Variants in ADAMTS17 observed in about 807,000 individuals in gnomAD.
ADAMTS17 encodes A disintegrin and metalloproteinase with thrombospondin motifs 17.
ADAMTS17 carries 113 observed loss-of-function variants against 141.5 expected under a neutral mutation model. That is an observed-to-expected ratio of 0.80 (90% confidence interval 0.69 to 0.93). The LOEUF is 0.93. Ranked by LOEUF, ADAMTS17 falls within the 40% of genes least tolerant of loss-of-function variation. ADAMTS17 has a pLI of 0.00. For missense variants in ADAMTS17, 1,659 were observed against 1,517.9 expected (o/e 1.09, Z -1.54); for synonymous variants, 768 against 630.6 (o/e 1.22, Z -3.27).
intron 14 of ADAMTS17, among the ~76,000 whole-genome samples, 175 bp downstream of exon 14, chr15:100,108,814 C>G (rs1488760275): frequency 6.6e-6 from 1 of 152,186 alleles, no homozygotes; most frequent in African/African-American, 2.4e-5. Flanking sequence ...CATTACTGAG[C>G]TAGGGTTGGT....
At chr15:100,106,644 C>T (rs186378861) in intron 14 of ADAMTS17, among the ~76,000 whole-genome samples, 295 of 152,292 alleles carry the variant, frequency 1.9e-3, no homozygotes, top group South Asian at 7.3e-3. Context: ...TTGGCAAGAA[C>T]GCTGCAGAAG....
At chr15:100,147,476 G>C (rs2038963227) in intron 10 of ADAMTS17, among the ~76,000 whole-genome samples, 2 of 152,162 alleles carry the variant, frequency 1.3e-5, no homozygotes, top group African/African-American at 2.4e-5. Flanking sequence ...GTATAGCGTG[G>C]TACTGTACTA....
At chr15:100,189,316 C>T (rs775171122) in intron 8 of ADAMTS17, among the ~76,000 whole-genome samples, 8 of 152,288 alleles carry the variant, frequency 5.3e-5, no homozygotes, top group South Asian at 2.1e-4. Context: ...GTATATGGAG[C>T]GGGGCTTTGC....
At chr15:100,172,833 A>G (rs1414997382) in intron 8 of ADAMTS17, among the ~76,000 whole-genome samples, 5 of 152,180 alleles carry the variant, frequency 3.3e-5, no homozygotes, top group Non-Finnish European at 7.3e-5. Flanking sequence ...GCAGACAGTA[A>G]ATTTGCCTTG....
intron 18 of ADAMTS17, among the ~76,000 whole-genome samples, chr15:100,036,726 C>A (rs73472454): frequency 0.03 from 4,604 of 152,136 alleles, 245 homozygotes; most frequent in African/African-American, 0.1. Context: ...AGTTATCAAC[C>A]CTCACTTCCA....
intron 12 of ADAMTS17, among the ~76,000 whole-genome samples, chr15:100,119,143 T>C (rs997412524): frequency 1.3e-5 from 2 of 151,426 alleles, no homozygotes; most frequent in Non-Finnish European, 2.9e-5. Flanking sequence ...CTGGAACAGA[T>C]TCTCCCTCAC....
At chr15:100,036,164 G>A (rs757392749) in intron 18 of ADAMTS17, among the ~76,000 whole-genome samples, 5 of 152,184 alleles carry the variant, frequency 3.3e-5, no homozygotes, top group Non-Finnish European at 7.4e-5. Context: ...AGCCATGGTG[G>A]GTGCATGACT....
intron 12 of ADAMTS17, among the ~76,000 whole-genome samples, chr15:100,123,347 T>C (rs1484509727): frequency 6.6e-6 from 1 of 152,076 alleles, no homozygotes; most frequent in Non-Finnish European, 1.5e-5. Flanking sequence ...AGGGCTAAAA[T>C]AAAGAACAGT....
At chr15:100,048,463 G>C (rs1368917038) in intron 18 of ADAMTS17, among the ~76,000 whole-genome samples, 1 of 149,126 alleles carries the variant, frequency 6.7e-6, no homozygotes, top group Non-Finnish European at 1.5e-5. Flanking sequence ...CACTGAAACA[G>C]GTCACCCACA....
Position 100,210,353 on chromosome 15 carries a change from C to T in ADAMTS17, c.1076-10930G>A, listed in dbSNP as rs144198913. Among the ~76,000 whole-genome samples the T allele has an allele frequency of 1.2e-3, 185 of 152,110 alleles. 1 individual carries two copies. Among genetic ancestry groups the T allele is most frequent in the Non-Finnish European group, 1.9e-3 (128 of 68,004 alleles). On this transcript the variant is annotated intron_variant, in intron 7 of 21. Transcript: ENST00000268070. ...GACACTTACTATGTGTGTACCAGGT[C>T]CTGCACTAAAGAGTCCCATGCGGGA...
chr15:100,332,099 C>T (rs555771667), intron 2 of ADAMTS17, among the ~76,000 whole-genome samples: 15 of 152,262 alleles, frequency 9.9e-5, no homozygotes, highest in Admixed American at 2.6e-4. Context: ...CCATACTTAC[C>T]GCTCTAAGCA....
intron 7 of ADAMTS17, among the ~76,000 whole-genome samples, chr15:100,244,926 C>T (rs2042941541): frequency 1.3e-5 from 2 of 152,170 alleles, no homozygotes; most frequent in South Asian, 4.2e-4. Flanking sequence ...TTCTACTCCC[C>T]CTCGTGTTTT....
intron 2 of ADAMTS17, among the ~76,000 whole-genome samples, chr15:100,334,741 T>C (rs115960820): frequency 0.024 from 3,706 of 152,262 alleles, 70 homozygotes; most frequent in Admixed American, 0.056. Flanking sequence ...GAATGTGAAA[T>C]GCCTGAGCAC....
At chr15:100,281,653 G>T (rs929622416) in intron 3 of ADAMTS17, among the ~76,000 whole-genome samples, 2 of 152,178 alleles carry the variant, frequency 1.3e-5, no homozygotes, top group Non-Finnish European at 2.9e-5. Flanking sequence ...CACCACAGCT[G>T]GGGAGGCCAA....
intron 12 of ADAMTS17, among the ~76,000 whole-genome samples, chr15:100,127,441 G>A (rs1422696065): frequency 6.6e-6 from 1 of 152,198 alleles, no homozygotes; most frequent in East Asian, 1.9e-4. Flanking sequence ...CACCTTTGGA[G>A]TTTCAAGAAG....
In ADAMTS17 at chr15:100,192,718, C is replaced by T. The variant is rs562239254; in HGVS notation, c.1181+6600G>A. 2.5e-3 allele frequency among the ~76,000 whole-genome samples: 380 copies of T among 152,340 alleles called. 5 individuals are homozygous for T. Among genetic ancestry groups the T allele is most frequent in the African/African-American group, 9.0e-3 (373 of 41,580 alleles). On this transcript the variant is annotated intron_variant, in intron 8 of 21. Coordinates refer to ENST00000268070, the MANE Select transcript of ADAMTS17 (RefSeq NM_139057.4). ...TGTGCCGGCTGGCTCGTTCTTAATACAAATCACAGACAAGCATTTCCATGC... is the reference window on the plus strand; with the variant it reads ...TGTGCCGGCTGGCTCGTTCTTAATATAAATCACAGACAAGCATTTCCATGC...
At chr15:100,059,988 T>C (rs1454321439) in intron 15 of ADAMTS17, among the ~76,000 whole-genome samples, 3 of 152,208 alleles carry the variant, frequency 2.0e-5, no homozygotes, top group African/African-American at 7.2e-5. Context: ...TATTTTGAGA[T>C]TAATTAGTGT....
intron 10 of ADAMTS17, among the ~76,000 whole-genome samples, chr15:100,141,474 AAG>A (rs1008036360): frequency 2.0e-5 from 3 of 152,218 alleles, no homozygotes; most frequent in Non-Finnish European, 4.4e-5. Flanking sequence ...CACAAGCCAA[AAG>A]AGAGAGAAAA....
chr15:100,168,055 C>A (rs1047832636), intron 8 of ADAMTS17, among the ~76,000 whole-genome samples: 2 of 152,202 alleles, frequency 1.3e-5, no homozygotes, highest in Non-Finnish European at 2.9e-5. Context: ...AAGGCGGGTA[C>A]GTGTTGGCTT....
Sources: gnomAD v4.1 joint callset for allele counts (sites outside exome capture counted in the v4.1 genomes callset) on GRCh38, gnomAD v4.1.1 for gene constraint, MANE v1.5 for transcripts, NCBI Gene and HGNC (gene_info 2026-07-23, HGNC 2026-07-21) for gene names.